The following SH3RF3 variants were observed in gnomAD, a reference collection of about 807,000 sequenced individuals.
SH3RF3 encodes the protein SH3 domain containing ring finger 3.
In SH3RF3, 29 loss-of-function variants were observed where a neutral mutation model predicts 66.3. The observed-to-expected ratio is 0.44, with a 90% CI of 0.33 to 0.60. The LOEUF (loss-of-function observed/expected upper bound fraction) is 0.60. Ranked by LOEUF, SH3RF3 falls within the 20% of genes least tolerant of loss-of-function variation. The pLI is 0.04. For synonymous variants in SH3RF3, 583 were observed against 532.0 expected, an observed-to-expected ratio of 1.10 and a Z score of -1.32; for missense variants, 1,194 against 1,190.9, an observed-to-expected ratio of 1.00 and a Z score of -0.04.
At chr2:109,476,452 A>G (rs1678685555) in intron 8 of SH3RF3, among the ~76,000 whole-genome samples, 2 of 152,240 alleles carry the variant, frequency 1.3e-5, no homozygotes, top group African/African-American at 2.4e-5. Flanking sequence ...CTCAAATCCC[A>G]TCAGACTCTT....
At chr2:109,196,994 TC>T (rs1678519119) in intron 1 of SH3RF3, among the ~76,000 whole-genome samples, 2 of 152,300 alleles carry the variant, frequency 1.3e-5, no homozygotes, top group South Asian at 4.1e-4. Flanking sequence ...TAGTTTGATT[TC>T]CCTTAGCCCT....
chr2:109,353,309 G>C (rs1215971745), intron 2 of SH3RF3, among the ~76,000 whole-genome samples: 1 of 152,218 alleles, frequency 6.6e-6, no homozygotes, highest in Non-Finnish European at 1.5e-5. Flanking sequence ...CTTAGCCTGG[G>C]TGCCCCCACA....
At chr2:109,298,120 G>A (rs1025029397) in intron 1 of SH3RF3, among the ~76,000 whole-genome samples, 1 of 152,182 alleles carries the variant, frequency 6.6e-6, no homozygotes, top group African/African-American at 2.4e-5. Context: ...ATGCAGAGGT[G>A]AATAGGGCAT....
At chr2:109,155,340 G>A (rs1368362353) in intron 1 of SH3RF3, among the ~76,000 whole-genome samples, 4 of 152,134 alleles carry the variant, frequency 2.6e-5, no homozygotes, top group African/African-American at 9.7e-5. Context: ...TCGCTCTGTT[G>A]CCCAGGCTGG....
intron 3 of SH3RF3, among the ~76,000 whole-genome samples, chr2:109,379,789 C>G (rs1227227032): frequency 6.6e-6 from 1 of 152,080 alleles, no homozygotes. Context: ...GAAGCCCGGT[C>G]ATTGCCAAGA....
chr2:109,404,116 C>T (rs1216478367), intron 4 of SH3RF3, among the ~76,000 whole-genome samples: 1 of 152,104 alleles, frequency 6.6e-6, no homozygotes, highest in East Asian at 1.9e-4. Flanking sequence ...TTTTGGAAAG[C>T]TGGTGGTGGG....
chr2:109,230,131 T>C (rs772740195), intron 1 of SH3RF3, among the ~76,000 whole-genome samples: 1 of 152,162 alleles, frequency 6.6e-6, no homozygotes, highest in Non-Finnish European at 1.5e-5. Flanking sequence ...GCCGATTTTT[T>C]TTTTCTTCTT....
In SH3RF3 at chr2:109,129,650, C is replaced by T. The variant is rs1303870654; in HGVS notation, c.110C>T (p.Ala37Val). Residue 37 changes from alanine to valine, a missense_variant, in exon 1 of 10, where the codon GCC becomes GTC. Physicochemically the swap from Ala to Val is moderately conservative, Grantham distance 64 (BLOSUM62 0). Transcript: ENST00000309415. ...PGERRRRRAAATAAGAGEDMD... is the reference protein window; with the variant it reads ...PGERRRRRAAVTAAGAGEDMD... ...GAGCGACGGCGGCGTCGGGCGGCGG[C>T]CACCGCCGCGGGGGCGGGCGAGGAC... 14 of 1,500,392 alleles carry T rather than the reference C, an allele frequency of 9.3e-6. No homozygotes were observed. The East Asian group carries it at 1.6e-4, about 18-fold the overall frequency. 92.9% of individuals were successfully genotyped at this position (1,500,392 alleles called of 1,614,324 possible).
At chr2:109,133,534 T>A (rs1295203746) in intron 1 of SH3RF3, among the ~76,000 whole-genome samples, 1 of 152,200 alleles carries the variant, frequency 6.6e-6, no homozygotes, top group Non-Finnish European at 1.5e-5. Flanking sequence ...TCACCTTTTA[T>A]GATTTTCTAT....
At chr2:109,167,539 T>C (rs915084459) in intron 1 of SH3RF3, among the ~76,000 whole-genome samples, 2 of 152,192 alleles carry the variant, frequency 1.3e-5, no homozygotes, top group Admixed American at 1.3e-4. Flanking sequence ...TGGTATTGTT[T>C]AGTGTCTGAA....
chr2:109,378,207 G>A (rs1209674693), intron 3 of SH3RF3, among the ~76,000 whole-genome samples: 1 of 152,172 alleles, frequency 6.6e-6, no homozygotes, highest in Non-Finnish European at 1.5e-5. Flanking sequence ...GTCCGGGTGG[G>A]TTCACCCACC....
intron 1 of SH3RF3, among the ~76,000 whole-genome samples, chr2:109,344,990 G>A (rs572693078): frequency 5.9e-5 from 9 of 152,294 alleles, no homozygotes; most frequent in African/African-American, 2.2e-4. Context: ...CAGTGAAGGG[G>A]GGTGTCAGGG....
At chr2:109,466,030 A>G (rs1390144854) in intron 8 of SH3RF3, among the ~76,000 whole-genome samples, 1 of 148,508 alleles carries the variant, frequency 6.7e-6, no homozygotes, top group Non-Finnish European at 1.5e-5. Flanking sequence ...TCAACATATA[A>G]TGCTGAGCAT....
intron 1 of SH3RF3, among the ~76,000 whole-genome samples, chr2:109,274,289 G>A (rs1680696984): frequency 6.6e-6 from 1 of 152,132 alleles, no homozygotes; most frequent in Admixed American, 6.5e-5. Flanking sequence ...TCCTAGGTGT[G>A]TGCCCAAAAG....
In SH3RF3 at chr2:109,130,967, CG is replaced by C. The variant is rs371411484; in HGVS notation, c.573+857del. Reference sequence around the variant, plus strand: ...GGTTTAAATGAGAAAAGAAAGGACCCGGGTTTTGTTAATTTCTTTAAATGGA... The same window carrying C: ...GGTTTAAATGAGAAAAGAAAGGACCCGGTTTTGTTAATTTCTTTAAATGGA... On this transcript the variant is annotated intron_variant, in intron 1 of 9. Transcript: ENST00000309415. 2.8e-3 allele frequency among the ~76,000 whole-genome samples: 418 copies of C among 151,988 alleles called. 2 individuals are homozygous for C. The highest frequency in any genetic ancestry group is 9.6e-3 in the African/African-American group (397 of 41,446).
intron 1 of SH3RF3, among the ~76,000 whole-genome samples, chr2:109,227,943 G>A (rs546113375): frequency 6.6e-6 from 1 of 152,324 alleles, no homozygotes; most frequent in African/African-American, 2.4e-5. Flanking sequence ...CCAAACAAAC[G>A]TGCATTGGTG....
intron 2 of SH3RF3, among the ~76,000 whole-genome samples, chr2:109,354,771 G>A (rs1682913173): frequency 6.6e-6 from 1 of 152,250 alleles, no homozygotes; most frequent in African/African-American, 2.4e-5. Context: ...GCGCATCTGT[G>A]TCTGTGGCTT....
chr2:109,170,601 C>T (rs1231874506), intron 1 of SH3RF3, among the ~76,000 whole-genome samples: 6 of 152,108 alleles, frequency 3.9e-5, no homozygotes, highest in South Asian at 2.1e-4. Flanking sequence ...CCACCCGCCT[C>T]GGCCACCCAA....
chr2:109,461,459 G>A (rs55992862), intron 8 of SH3RF3, among the ~76,000 whole-genome samples: 1 of 123,796 alleles, frequency 8.1e-6, no homozygotes, highest in Non-Finnish European at 1.7e-5. Flanking sequence ...TGATCCACCT[G>A]CCAGAGGCCC....
Sources: allele counts gnomAD v4.1 joint callset (sites outside exome capture counted in the v4.1 genomes callset), GRCh38; gene constraint gnomAD v4.1.1; transcripts MANE v1.5; gene names NCBI Gene and HGNC (gene_info 2026-07-23, HGNC 2026-07-21).